STT3B: variants seen among roughly 807,000 people sequenced by gnomAD.
STT3B encodes the protein STT3 oligosaccharyltransferase complex catalytic subunit B.
In STT3B, 29 loss-of-function variants were observed where a neutral mutation model predicts 96.8. The ratio of observed to expected loss-of-function variants is 0.30; its 90% CI spans 0.22 to 0.41. The LOEUF is 0.41. Among genes scored for constraint, STT3B ranks in the 10% least tolerant of loss-of-function variants. The pLI, the probability that STT3B is intolerant of heterozygous loss-of-function variation, is 1.00. For synonymous variants in STT3B, 367 were observed against 360.0 expected, an observed-to-expected ratio of 1.02 and a Z score of -0.22; for missense variants, 640 against 1,022.3, an observed-to-expected ratio of 0.63 and a Z score of 5.10.
At chr3:31,612,307 A>C (rs561058326) in intron 5 of STT3B, among the ~76,000 whole-genome samples, 6 of 152,326 alleles carry the variant, frequency 3.9e-5, no homozygotes, top group African/African-American at 1.4e-4. Flanking sequence ...TCAGTGATCC[A>C]AAAAATGTGA....
intron 1 of STT3B, among the ~76,000 whole-genome samples, chr3:31,550,328 A>G (rs928854346): frequency 2.0e-5 from 3 of 152,246 alleles, no homozygotes; most frequent in Non-Finnish European, 2.9e-5. Flanking sequence ...TGCAGCCTTT[A>G]AACAACCTTT....
chr3:31,622,055 C>A, intron 9 of STT3B, 42 bp from the exon 10 acceptor site: 1 of 1,556,138 alleles, frequency 6.4e-7, no homozygotes, highest in Non-Finnish European at 8.9e-7. Flanking sequence ...TTCCTGGGAA[C>A]TTTTTCCCTC....
rs181167885 is a variant in STT3B, at chr3:31,575,376, G to A, written c.315-1020G>A. Among the ~76,000 whole-genome samples the A allele has an allele frequency of 1.6e-3, 235 of 151,334 alleles. 2 individuals are homozygous for A. Among genetic ancestry groups the A allele is most frequent in the African/African-American group, 5.4e-3 (223 of 41,186 alleles). ...ATATTAACCATCTGAATATATTCTC[G>A]CTTCTGTTTCTACAGTATTAATTTT... On this transcript the variant is annotated intron_variant, in intron 1 of 15. Coordinates refer to ENST00000295770, the MANE Select transcript of STT3B (RefSeq NM_178862.3).
chr3:31,636,300 G>C lies in STT3B; in HGVS notation c.*236G>C, dbSNP rs947854167. ...GCACTGCTGTAAATGTCTAGCAGCA[G>C]ATTTTTTTTTTATTGGTACATATTA... On this transcript the variant is annotated 3_prime_UTR_variant, in exon 16 of 16. Transcript: ENST00000295770. 1 of 348,630 alleles carries C rather than the reference G, an allele frequency of 2.9e-6. No homozygotes were observed. Among genetic ancestry groups the C allele is most frequent in the African/African-American group, 2.1e-5 (1 of 47,370 alleles). The allele number at this position is 348,630 out of a possible 1,614,324, so 21.6% of individuals were successfully genotyped here.
intron 1 of STT3B, among the ~76,000 whole-genome samples, chr3:31,539,240 CTG>C (rs1448427201): frequency 6.6e-6 from 1 of 152,122 alleles, no homozygotes; most frequent in Non-Finnish European, 1.5e-5. Flanking sequence ...ACAATTGTGA[CTG>C]TTGGCACTAA....
At chr3:31,566,893 CTGG>C in intron 1 of STT3B, among the ~76,000 whole-genome samples, 1 of 152,306 alleles carries the variant, frequency 6.6e-6, no homozygotes, top group African/African-American at 2.4e-5. Context: ...TAACAGAAAC[CTGG>C]TACACTATGG....
rs376963043 is a variant in STT3B, at chr3:31,572,023, T to TATATC, written c.315-4369_315-4368insCATAT. On this transcript the variant is annotated intron_variant, in intron 1 of 15. Transcript: ENST00000295770. ...ATAATTATTTTATTAAACATATTAA[T>TATATC]ATATATTAATATATGATATATTAAT... Among the ~76,000 whole-genome samples, 326 of 40,786 alleles carry TATATC rather than the reference T, an allele frequency of 8.0e-3. 4 individuals carry two copies. The highest frequency in any genetic ancestry group is 0.032 in the Middle Eastern group (2 of 62). 26.8% of individuals were successfully genotyped at this position (40,786 alleles called of 152,430 possible).
intron 1 of STT3B, among the ~76,000 whole-genome samples, chr3:31,567,041 T>C (rs535624314): frequency 6.6e-6 from 1 of 152,336 alleles, no homozygotes; most frequent in Admixed American, 6.5e-5. Context: ...TGGGATTCTC[T>C]TAAAGCTGTG....
At chr3:31,617,910 A>T (rs1699342156) in intron 7 of STT3B, 30 bp from the exon 8 acceptor site, 2 of 1,526,474 alleles carry the variant, frequency 1.3e-6, no homozygotes, top group Non-Finnish European at 1.8e-6. Flanking sequence ...AAAAAGGCAG[A>T]TTAATTTCAT....
At chr3:31,576,526 T>C in intron 2 of STT3B, 22 bp downstream of exon 2, 1 of 1,286,044 alleles carries the variant, frequency 7.8e-7, no homozygotes, top group Non-Finnish European at 1.1e-6. Flanking sequence ...AGCAGTTCTT[T>C]ATGTTAATTA....
chr3:31,585,618 C>T (rs1208916277), intron 3 of STT3B, among the ~76,000 whole-genome samples: 1 of 151,696 alleles, frequency 6.6e-6, no homozygotes, highest in Non-Finnish European at 1.5e-5. Flanking sequence ...CCTCCTGTAC[C>T]TTTGTAGTCA....
At chr3:31,587,697 A>T (rs945156341) in intron 3 of STT3B, among the ~76,000 whole-genome samples, 1 of 152,138 alleles carries the variant, frequency 6.6e-6, no homozygotes, top group Non-Finnish European at 1.5e-5. Context: ...ATTTCTGTCT[A>T]TGATGAATAA....
At chr3:31,634,967 A>G (rs1699731682) in intron 15 of STT3B, among the ~76,000 whole-genome samples, 1 of 152,222 alleles carries the variant, frequency 6.6e-6, no homozygotes, top group Non-Finnish European at 1.5e-5. Context: ...GCTAATTTTT[A>G]GTACCTTAAG....
intron 1 of STT3B, among the ~76,000 whole-genome samples, chr3:31,546,689 C>T (rs1418737643): frequency 6.6e-6 from 1 of 152,186 alleles, no homozygotes; most frequent in African/African-American, 2.4e-5. Flanking sequence ...AATATCTGTT[C>T]ATGTCTCTCC....
chr3:31,593,717 A>T (rs1698720438), intron 3 of STT3B, among the ~76,000 whole-genome samples: 1 of 151,958 alleles, frequency 6.6e-6, no homozygotes, highest in Non-Finnish European at 1.5e-5. Context: ...TTTCTAGTTC[A>T]TTCTTATTTC....
At chr3:31,616,340 G>T (rs866529765) in intron 6 of STT3B, among the ~76,000 whole-genome samples, 14 of 151,844 alleles carry the variant, frequency 9.2e-5, no homozygotes, top group African/African-American at 3.1e-4. Context: ...TTTATGACCT[G>T]CCTCAGGGGA....
chr3:31,533,680 G>A (rs73824170), intron 1 of STT3B: 24 of 162,340 alleles, frequency 1.5e-4, no homozygotes, highest in Admixed American at 2.6e-4. Flanking sequence ...ACGCCAGGAG[G>A]CGGCAGGTAG....
At chr3:31,560,559 C>A (rs1697850718) in intron 1 of STT3B, among the ~76,000 whole-genome samples, 2 of 151,852 alleles carry the variant, frequency 1.3e-5, no homozygotes, top group African/African-American at 4.8e-5. Flanking sequence ...TTTCTTTCAG[C>A]ACTTTCAATA....
At chr3:31,590,590 A>G (rs1473008077) in intron 3 of STT3B, among the ~76,000 whole-genome samples, 1 of 151,810 alleles carries the variant, frequency 6.6e-6, no homozygotes, top group Admixed American at 6.6e-5. Flanking sequence ...TTTTCTTAGC[A>G]TACTTTTTTT....
Sources: allele counts gnomAD v4.1 joint callset (sites outside exome capture counted in the v4.1 genomes callset), GRCh38; gene constraint gnomAD v4.1.1; transcripts MANE v1.5; gene names NCBI Gene and HGNC (gene_info 2026-07-23, HGNC 2026-07-21).